Variants in DIP2C observed in about 807,000 individuals in gnomAD.
The protein encoded by DIP2C is DIP2 acetate--CoA ligase C (putative).
A neutral mutation model predicts 192.4 loss-of-function variants in DIP2C; 33 were observed. The ratio of observed to expected loss-of-function variants is 0.17; its 90% CI spans 0.13 to 0.23. The LOEUF is 0.23. Ranked by LOEUF, DIP2C falls within the 10% of genes least tolerant of loss-of-function variation. The pLI is 1.00. For missense variants in DIP2C, 1,537 were observed against 2,110.1 expected (o/e 0.73, Z 5.32); for synonymous variants, 979 against 864.1 (o/e 1.13, Z -2.33).
rs374209502 is a variant in DIP2C, at chr10:625,221, G to A, written c.85+64273C>T. ...GAGGCAACAAGCCCTTCATTATCAC[G>A]GCCGCAAGCCTCTGCGCAGCCCTCC... is the stretch of plus-strand genomic sequence containing the variant. On this transcript the variant is annotated intron_variant, in intron 1 of 36. Transcript: ENST00000280886. 1.1e-3 allele frequency among the ~76,000 whole-genome samples: 174 copies of A among 152,252 alleles called. 1 individual carries two copies. The highest frequency in any genetic ancestry group is 4.0e-3 in the African/African-American group (167 of 41,544).
chr10:431,993 C>G (rs545596381), intron 4 of DIP2C, among the ~76,000 whole-genome samples: 1 of 152,070 alleles, frequency 6.6e-6, no homozygotes, highest in Non-Finnish European at 1.5e-5. Flanking sequence ...TTTTTCTTAG[C>G]CTGTTAACGT....
At chr10:605,401 T>C (rs1457298345) in intron 1 of DIP2C, among the ~76,000 whole-genome samples, 1 of 152,228 alleles carries the variant, frequency 6.6e-6, no homozygotes, top group Non-Finnish European at 1.5e-5. Context: ...TCACTCATGA[T>C]TCCCTTGCCC....
intron 1 of DIP2C, among the ~76,000 whole-genome samples, chr10:551,701 C>T (rs1262019483): frequency 6.6e-6 from 1 of 152,208 alleles, no homozygotes; most frequent in Non-Finnish European, 1.5e-5. Flanking sequence ...TGGGAAGGGT[C>T]CAAGAGCAAA....
chr10:335,060 C>G (rs1269489391), intron 29 of DIP2C, among the ~76,000 whole-genome samples: 3 of 152,102 alleles, frequency 2.0e-5, no homozygotes, highest in Non-Finnish European at 4.4e-5. Context: ...ATTGAATCTT[C>G]CAATACATGA....
Position 276,096 on chromosome 10 carries a change from T to C in DIP2C, c.*1229A>G, listed in dbSNP as rs1236031440. The C allele has an allele frequency of 6.6e-6, 1 of 152,542 alleles. No individual in the cohort carries two copies. The highest frequency in any genetic ancestry group is 2.4e-5 in the African/African-American group (1 of 41,420). 9.4% of individuals were successfully genotyped at this position (152,542 alleles called of 1,614,324 possible). On this transcript the variant is annotated 3_prime_UTR_variant, in exon 37 of 37. Transcript: ENST00000280886. ...AGCAAGGACCAAAAAAAGATGACAT[T>C]AACAAAAATGATGAAAAACATTGTG...
At chr10:327,436 T>C (rs1222172516) in intron 30 of DIP2C, among the ~76,000 whole-genome samples, 2 of 152,184 alleles carry the variant, frequency 1.3e-5, no homozygotes, top group Non-Finnish European at 2.9e-5. Flanking sequence ...AGAACTGTTA[T>C]GAGGAAAAAG....
intron 36 of DIP2C, among the ~76,000 whole-genome samples, chr10:278,373 G>A (rs1954633280): frequency 6.6e-6 from 1 of 152,274 alleles, no homozygotes; most frequent in African/African-American, 2.4e-5. Context: ...CTGTGTTAGG[G>A]AGATGAATGC....
intron 1 of DIP2C, among the ~76,000 whole-genome samples, chr10:643,864 G>C (rs147699203): frequency 6.6e-6 from 1 of 152,364 alleles, no homozygotes; most frequent in African/African-American, 2.4e-5. Context: ...TGAAGTTACA[G>C]AATTGGGAAG....
chr10:649,486 C>T (rs894525205), intron 1 of DIP2C, among the ~76,000 whole-genome samples: 17 of 152,194 alleles, frequency 1.1e-4, no homozygotes, highest in African/African-American at 3.1e-4. Context: ...AGTAAGAAAG[C>T]AATTTTTCTT....
At chr10:485,076 G>T (rs575438927) in intron 2 of DIP2C, 8 of 1,224,844 alleles carry the variant, frequency 6.5e-6, no homozygotes, top group African/African-American at 3.0e-5. Context: ...CACAGGGCAC[G>T]ACCGCCCTCT....
intron 1 of DIP2C, among the ~76,000 whole-genome samples, chr10:576,372 T>C (rs1391092723): frequency 1.3e-5 from 2 of 152,180 alleles, no homozygotes; most frequent in African/African-American, 2.4e-5. Flanking sequence ...TAAGAAGCGT[T>C]CAGGGTACAG....
At chr10:553,841 A>T (rs1848705704) in intron 1 of DIP2C, among the ~76,000 whole-genome samples, 1 of 152,214 alleles carries the variant, frequency 6.6e-6, no homozygotes, top group African/African-American at 2.4e-5. Flanking sequence ...ACCTCATAGG[A>T]AAAAACGTAT....
Position 308,928 on chromosome 10 carries a change from C to A in DIP2C, c.3986+1103G>T, listed in dbSNP as rs571818481. ...TTGGGACACCCCTGGTCTCCCCCCACCAGATGCCAGCTGAGCCACTGCCCA... is the reference window on the plus strand; with the variant it reads ...TTGGGACACCCCTGGTCTCCCCCCAACAGATGCCAGCTGAGCCACTGCCCA... On this transcript the variant is annotated intron_variant, in intron 32 of 36. Transcript: ENST00000280886. 4.7e-3 allele frequency among the ~76,000 whole-genome samples: 709 copies of A among 152,348 alleles called. 5 individuals are homozygous for A. The highest frequency in any genetic ancestry group is 0.016 in the African/African-American group (686 of 41,584).
At chr10:470,364 ACT>A (rs1223619104) in intron 3 of DIP2C, among the ~76,000 whole-genome samples, 1 of 152,054 alleles carries the variant, frequency 6.6e-6, no homozygotes, top group African/African-American at 2.4e-5. Flanking sequence ...GAGCCTGCAG[ACT>A]CTGAGCTGAA....
intron 4 of DIP2C, among the ~76,000 whole-genome samples, chr10:423,559 CT>C (rs1416256497): frequency 6.7e-6 from 1 of 150,252 alleles, no homozygotes; most frequent in African/African-American, 2.5e-5. Flanking sequence ...TGATTTATTT[CT>C]ATGTCAGTGT....
intron 1 of DIP2C, among the ~76,000 whole-genome samples, chr10:591,680 C>T (rs1207893861): frequency 6.6e-6 from 1 of 152,188 alleles, no homozygotes; most frequent in Non-Finnish European, 1.5e-5. Context: ...GAGTTAGACA[C>T]AAGGACGAAG....
chr10:323,153 C>G (rs368687597), intron 31 of DIP2C, among the ~76,000 whole-genome samples: 7 of 21,272 alleles, frequency 3.3e-4, no homozygotes, highest in Non-Finnish European at 4.1e-4. Context: ...GGGTGCGGGG[C>G]TCCAGTGAGA....
chr10:538,305 C>T (rs981153240), intron 1 of DIP2C, among the ~76,000 whole-genome samples: 3 of 152,028 alleles, frequency 2.0e-5, no homozygotes, highest in Non-Finnish European at 1.5e-5. Context: ...TACAGGTGTG[C>T]ACCACCACAC....
intron 1 of DIP2C, among the ~76,000 whole-genome samples, chr10:580,148 T>C (rs962693403): frequency 1.2e-4 from 18 of 152,130 alleles, no homozygotes; most frequent in African/African-American, 3.6e-4. Flanking sequence ...TGTACACATA[T>C]CCGATGTACA....
Sources: gnomAD v4.1 joint callset for allele counts (sites outside exome capture counted in the v4.1 genomes callset) on GRCh38, gnomAD v4.1.1 for gene constraint, MANE v1.5 for transcripts, NCBI Gene and HGNC (gene_info 2026-07-23, HGNC 2026-07-21) for gene names.